Variants in DENND4C observed in about 807,000 individuals in gnomAD.
DENND4C encodes the protein DENN domain-containing protein 4C.
Under a neutral mutation model 203.0 loss-of-function variants are expected in DENND4C, and 108 were observed. The observed-to-expected ratio is 0.53, with a 90% CI of 0.46 to 0.62. DENND4C has a LOEUF of 0.62. Among genes scored for constraint, DENND4C ranks in the 20% least tolerant of loss-of-function variants. DENND4C has a pLI of 0.00. For missense variants in DENND4C, 2,481 were observed against 2,301.2 expected (o/e 1.08, Z -1.60); for synonymous variants, 871 against 792.4 (o/e 1.10, Z -1.67).
Position 19,352,148 on chromosome 9 carries a change from G to A in DENND4C, c.4571G>A (p.Ser1524Asn), listed in dbSNP as rs770726257. 6.2e-7 allele frequency: 1 copy of A among 1,613,860 alleles called. No homozygotes were observed. Among genetic ancestry groups the A allele is most frequent in the Admixed American group, 1.7e-5 (1 of 60,016 alleles). The change falls in exon 25 of 33, where the codon AGC becomes AAC. Residue 1524 changes from serine to asparagine, a missense_variant. By Grantham distance (46) the Ser-to-Asn change is conservative. Around this residue, in one of 3 missense-constraint regions of DENND4C, gnomAD observed 2,289 missense variants for 2,113.3 expected, o/e 1.08. Transcript: ENST00000434457. ...GATCATGGTTCTTCTCAAAATACCA[G>A]CATGTCTAGCATCTATCAGAATTGT... ...KSDHGSSQNT[S>N]MSSIYQNCAM...
intron 1 of DENND4C, among the ~76,000 whole-genome samples, chr9:19,257,187 A>G (rs1255396173): frequency 6.6e-6 from 1 of 151,402 alleles, no homozygotes; most frequent in Non-Finnish European, 1.5e-5. Flanking sequence ...ATAAAAAAAT[A>G]TTCTGAACAG....
chr9:19,356,816 A>AGAGAGAGAGAGAGAGAGT (rs1563837904), intron 26 of DENND4C, among the ~76,000 whole-genome samples, 156 bp from the exon 27 acceptor site: 8 of 151,138 alleles, frequency 5.3e-5, no homozygotes, highest in Admixed American at 2.6e-4. Flanking sequence ...AGAGAGAGAG[A>AGAGAGAGAGAGAGAGAGT]GTGAGAGTGT....
rs193268464 is a variant in DENND4C at position 19,341,944 on chromosome 9, G to A, written c.3005-689G>A. On this transcript the variant is annotated intron_variant, in intron 21 of 32. Transcript: ENST00000434457. Reference sequence around the variant, plus strand: ...TTGAGACCAGCCTGGCCAACGTGGCGAAACCCCGTCTCTACTAAAAATACA... The same window carrying A: ...TTGAGACCAGCCTGGCCAACGTGGCAAAACCCCGTCTCTACTAAAAATACA... 2.9e-3 allele frequency among the ~76,000 whole-genome samples: 448 copies of A among 152,116 alleles called. 6 individuals carry two copies. The highest frequency in any genetic ancestry group is 0.026 in the Admixed American group (400 of 15,292).
rs767822492 is a variant in DENND4C at position 19,325,975 on chromosome 9, GTA to G, written c.1989+3_1989+4del. 5 of 1,608,866 alleles carry G rather than the reference GTA, an allele frequency of 3.1e-6. No homozygotes were observed. The South Asian group carries it at 5.6e-5, about 18-fold the overall frequency. The stretch of plus-strand genomic sequence containing the variant: ...TAAAGGCACAGAGAAAACAGATAAG[GTA>G]TGTTTTTCTTAGATTTTAAGGGTTG... On this transcript the variant is annotated splice_donor_variant and splice_donor_region_variant and intron_variant, in intron 14 of 32. Transcript: ENST00000434457. LOFTEE classifies it high-confidence loss of function.
chr9:19,332,242 A>G, intron 17 of DENND4C, 58 bp downstream of exon 17: 1 of 1,522,598 alleles, frequency 6.6e-7, no homozygotes, highest in South Asian at 1.1e-5. Context: ...TACTTCTAAT[A>G]AAATTTGGGT....
rs200042865 is a variant in DENND4C at position 19,358,120 on chromosome 9, T to G, written c.5120T>G (p.Ile1707Ser). The G allele has an allele frequency of 1.8e-4, 297 of 1,613,748 alleles. No individual in the cohort carries two copies. Among genetic ancestry groups the G allele is most frequent in the Non-Finnish European group, 2.4e-4 (286 of 1,179,788 alleles). Residue 1707 changes from isoleucine to serine, a missense_variant, in exon 28 of 33, where the codon ATC becomes AGC. This residue lies in a region of DENND4C where 2,289 missense variants were observed against 2,113.3 expected (regional missense o/e 1.08). Coordinates refer to ENST00000434457, the MANE Select transcript of DENND4C (RefSeq NM_001330640.2). This position sits in a 1 kb window ranked among gnomAD's most constrained non-coding sequence, Gnocchi z 4.8. ...IDFTQRPFHG[I>S]STVSLPNSLQ... ...TTTACCCAGCGACCGTTTCATGGCA[T>G]CTCAACAGTTAGTCTTCCAAATAGT...
At chr9:19,287,512 C>G (rs757750084) in intron 3 of DENND4C, among the ~76,000 whole-genome samples, 13 of 151,902 alleles carry the variant, frequency 8.6e-5, no homozygotes, top group African/African-American at 1.5e-4. Flanking sequence ...TCCCGAGTAG[C>G]TGGGACTACA....
chr9:19,238,662 T>A (rs1445289177), intron 1 of DENND4C, among the ~76,000 whole-genome samples: 1 of 67,320 alleles, frequency 1.5e-5, no homozygotes. Context: ...CCCCTGCCCC[T>A]TTTTTTTTGA....
intron 17 of DENND4C, among the ~76,000 whole-genome samples, chr9:19,333,035 A>AAC (rs991627437): frequency 2.0e-5 from 3 of 150,030 alleles, no homozygotes; most frequent in African/African-American, 7.3e-5. Context: ...TTTATATTTA[A>AAC]ATATATATAT....
At position 19,358,138 on chromosome 9, in the gene DENND4C, C is replaced by CAT. The variant is rs2132171037; in HGVS notation, c.5139_5140insTA (p.Asn1714Ter). ...CATGGCATCTCAACAGTTAGTCTTCCAAATAGTCTGCAGGAAGTTGTGGTA... is the reference window on the plus strand; with the variant it reads ...CATGGCATCTCAACAGTTAGTCTTCCATAAATAGTCTGCAGGAAGTTGTGGTA... On this transcript the variant is annotated frameshift_variant, in exon 28 of 33. Transcript: ENST00000434457. LOFTEE classifies it high-confidence loss of function. This position sits in a 1 kb window ranked among gnomAD's most constrained non-coding sequence, Gnocchi z 4.8. 1 of 1,613,474 alleles carries CAT rather than the reference C, an allele frequency of 6.2e-7. No homozygotes were observed. The highest frequency in any genetic ancestry group is 8.5e-7 in the Non-Finnish European group (1 of 1,179,594).
intron 12 of DENND4C, among the ~76,000 whole-genome samples, chr9:19,322,731 C>CAAAAAAAA (rs35416492): frequency 1.5e-5 from 1 of 65,564 alleles, no homozygotes; most frequent in African/African-American, 4.7e-5. Context: ...GACTTCATCT[C>CAAAAAAAA]AAAAAAAAAA....
intron 1 of DENND4C, among the ~76,000 whole-genome samples, chr9:19,265,406 C>T (rs371872342): frequency 3.4e-4 from 52 of 151,254 alleles, no homozygotes; most frequent in African/African-American, 1.2e-3. Context: ...TACGTAGTTC[C>T]CAAAGTTCCT....
intron 30 of DENND4C, among the ~76,000 whole-genome samples, chr9:19,367,387 GTTCATAATAGCATT>G (rs1182516300): frequency 6.6e-6 from 1 of 152,222 alleles, no homozygotes; most frequent in Non-Finnish European, 1.5e-5. Context: ...GCACATGAAT[GTTCATAATAGCATT>G]TGCATAATAG....
chr9:19,350,861 A>C lies in DENND4C; in HGVS notation c.4477A>C (p.Lys1493Gln). ...GSSSSSGDVG[K>Q]LHYPTGEVPF... Reference sequence around the variant, plus strand: ...TAGCAGCAGTAGTGGAGATGTAGGAAAACTGCATTATCCAACAGGTATGGG... The same window carrying C: ...TAGCAGCAGTAGTGGAGATGTAGGACAACTGCATTATCCAACAGGTATGGG... Residue 1493 changes from lysine (K) to glutamine (Q), a missense_variant, in exon 24 of 33, where the codon AAA becomes CAA. Transcript: ENST00000434457. 6.2e-7 allele frequency: 1 copy of C among 1,613,644 alleles called. No individual in the cohort carries two copies. Among genetic ancestry groups the C allele is most frequent in the Non-Finnish European group, 8.5e-7 (1 of 1,179,754 alleles).
intron 1 of DENND4C, among the ~76,000 whole-genome samples, chr9:19,247,633 A>G (rs1825614003): frequency 6.6e-6 from 1 of 152,134 alleles, no homozygotes; most frequent in Non-Finnish European, 1.5e-5. Flanking sequence ...GGCCTCAGGC[A>G]TCCTCCCACC....
At chr9:19,338,050 A>T (rs976547545) in intron 20 of DENND4C, among the ~76,000 whole-genome samples, 3 of 152,216 alleles carry the variant, frequency 2.0e-5, no homozygotes, top group Non-Finnish European at 1.5e-5. Flanking sequence ...AACAACCTTC[A>T]CATAATTACA....
At chr9:19,273,640 A>G (rs116501338) in intron 1 of DENND4C, among the ~76,000 whole-genome samples, 3,235 of 152,106 alleles carry the variant, frequency 0.021, 179 homozygotes, top group African/African-American at 0.074. Flanking sequence ...AATTTCCCCA[A>G]AGAAGATATA....
chr9:19,267,241 A>G (rs368761398), intron 1 of DENND4C, among the ~76,000 whole-genome samples: 1 of 152,282 alleles, frequency 6.6e-6, no homozygotes, highest in Non-Finnish European at 1.5e-5. Flanking sequence ...GTTGGAGTCC[A>G]TCTCTCTTTA....
At chr9:19,344,906 G>T (rs1822494098) in intron 22 of DENND4C, among the ~76,000 whole-genome samples, 1 of 152,110 alleles carries the variant, frequency 6.6e-6, no homozygotes, top group Admixed American at 6.6e-5. Flanking sequence ...TTCTGCAGAG[G>T]GCCCTCTTCC....
Sources: gnomAD v4.1 joint callset for allele counts (sites outside exome capture counted in the v4.1 genomes callset) on GRCh38, gnomAD v4.1.1 for gene constraint, gnomAD v4.1.1 regional missense constraint, Gnocchi (gnomAD v3.1) non-coding constraint, MANE v1.5 for transcripts, NCBI Gene and HGNC (gene_info 2026-07-23, HGNC 2026-07-21) for gene names.